CCDC91: variants seen among roughly 807,000 people sequenced by gnomAD.
CCDC91 encodes coiled-coil domain-containing protein 91.
A neutral mutation model predicts 63.2 loss-of-function variants in CCDC91; 48 were observed. The observed-to-expected ratio is 0.76, with a 90% confidence interval of 0.60 to 0.97. The LOEUF is 0.97. Ranked by LOEUF, CCDC91 falls within the 50% of genes least tolerant of loss-of-function variation. The probability of loss-of-function intolerance (pLI) is 0.00; values close to 1 mark genes in which losing one functional copy is unlikely to be tolerated. For synonymous variants in CCDC91, 167 were observed against 165.8 expected (o/e 1.01, Z -0.06); for missense variants, 500 against 494.6 (o/e 1.01, Z -0.10).
chr12:28,256,993 GCAAA>G, intron 1 of CCDC91: 1 of 447,920 alleles, frequency 2.2e-6, no homozygotes. Context: ...ACATAAAATG[GCAAA>G]ATACATGGTT....
In CCDC91 at chr12:28,330,832, A is replaced by T. The variant is rs537559985; in HGVS notation, c.576+23083A>T. Among the ~76,000 whole-genome samples, 3 of 152,304 alleles carry T rather than the reference A, an allele frequency of 2.0e-5. No homozygotes were observed. The East Asian group carries it at 5.8e-4, about 29-fold the overall frequency. ...TATTGCTGTTGTAGAGCTTATAACA[A>T]TCCAGTGGGTTATAGGTATTTAACT... is the stretch of plus-strand genomic sequence containing the variant. On this transcript the variant is annotated intron_variant, in intron 6 of 12. Coordinates refer to ENST00000536442, the MANE Select transcript of CCDC91 (RefSeq NM_018318.5).
intron 1 of CCDC91, among the ~76,000 whole-genome samples, chr12:28,215,745 A>T (rs1455322375): frequency 3.9e-5 from 6 of 152,148 alleles, no homozygotes; most frequent in Non-Finnish European, 8.8e-5. Flanking sequence ...GAAGCAGTGG[A>T]TGTACACTGT....
At chr12:28,337,255 TAAC>T (rs1237439305) in intron 6 of CCDC91, among the ~76,000 whole-genome samples, 3 of 152,166 alleles carry the variant, frequency 2.0e-5, no homozygotes, top group Non-Finnish European at 4.4e-5. Context: ...TTCCACCAAA[TAAC>T]AACATGTATT....
At chr12:28,524,707 C>T (rs530517525) in intron 12 of CCDC91, among the ~76,000 whole-genome samples, 3 of 151,964 alleles carry the variant, frequency 2.0e-5, no homozygotes, top group African/African-American at 7.2e-5. Flanking sequence ...TGGTATAAAG[C>T]TGTTGTGAAT....
chr12:28,425,138 T>G (rs1431500779), intron 8 of CCDC91, among the ~76,000 whole-genome samples: 1 of 152,138 alleles, frequency 6.6e-6, no homozygotes, highest in African/African-American at 2.4e-5. Context: ...CCAGACTTGG[T>G]GCACAGCCAA....
At chr12:28,425,044 T>G (rs1280316255) in intron 8 of CCDC91, among the ~76,000 whole-genome samples, 1 of 152,116 alleles carries the variant, frequency 6.6e-6, no homozygotes, top group Non-Finnish European at 1.5e-5. Context: ...TAAAAACCTA[T>G]TGTGATTTTT....
At chr12:28,336,130 A>G (rs569650269) in intron 6 of CCDC91, among the ~76,000 whole-genome samples, 2 of 152,164 alleles carry the variant, frequency 1.3e-5, no homozygotes, top group African/African-American at 2.4e-5. Context: ...TCTTAGTAAT[A>G]AATAGAAAAA....
chr12:28,411,157 C>A (rs1947293545), intron 8 of CCDC91, among the ~76,000 whole-genome samples: 1 of 152,044 alleles, frequency 6.6e-6, no homozygotes, highest in Non-Finnish European at 1.5e-5. Flanking sequence ...GTTACTTTTA[C>A]ACTGAGGATG....
At chr12:28,545,553 G>A (rs190918768) in intron 12 of CCDC91, among the ~76,000 whole-genome samples, 9 of 152,088 alleles carry the variant, frequency 5.9e-5, no homozygotes, top group East Asian at 3.9e-4. Context: ...GTATCGGTTC[G>A]CCTTGTTGCT....
chr12:28,482,067 C>T (rs1428516410), intron 11 of CCDC91, among the ~76,000 whole-genome samples: 2 of 151,878 alleles, frequency 1.3e-5, no homozygotes, highest in Non-Finnish European at 2.9e-5. Context: ...GTTAGCAAAA[C>T]CTGACTTGAA....
At chr12:28,199,399 T>C (rs1220344266) in intron 1 of CCDC91, among the ~76,000 whole-genome samples, 3 of 152,222 alleles carry the variant, frequency 2.0e-5, no homozygotes, top group Non-Finnish European at 2.9e-5. Context: ...CTTTCTACAT[T>C]AATACAGTAT....
At chr12:28,321,602 A>G (rs924392341) in intron 6 of CCDC91, among the ~76,000 whole-genome samples, 2 of 151,776 alleles carry the variant, frequency 1.3e-5, no homozygotes, top group Non-Finnish European at 2.9e-5. Context: ...TACACTTATA[A>G]TAATAATAGA....
At chr12:28,306,446 T>A (rs887159377) in intron 4 of CCDC91, among the ~76,000 whole-genome samples, 1 of 152,078 alleles carries the variant, frequency 6.6e-6, no homozygotes, top group Non-Finnish European at 1.5e-5. Context: ...GATATGTCTA[T>A]CCTTATTCAT....
At chr12:28,224,952 T>G (rs1249180722) in intron 1 of CCDC91, among the ~76,000 whole-genome samples, 3 of 152,180 alleles carry the variant, frequency 2.0e-5, no homozygotes, top group Non-Finnish European at 4.4e-5. Context: ...AGATCATCTC[T>G]CCTAACTTAC....
intron 11 of CCDC91, among the ~76,000 whole-genome samples, chr12:28,460,795 ATG>A (rs1054459426): frequency 1.1e-3 from 105 of 97,268 alleles, no homozygotes; most frequent in Non-Finnish European, 1.9e-3. Context: ...ATATATCTGT[ATG>A]TGTGTGTGTG....
At chr12:28,496,989 T>G (rs1336241789) in intron 12 of CCDC91, among the ~76,000 whole-genome samples, 3 of 148,628 alleles carry the variant, frequency 2.0e-5, no homozygotes, top group Non-Finnish European at 4.5e-5. Flanking sequence ...TTTTAGTGAT[T>G]AAACTTATCA....
At chr12:28,477,511 T>C (rs1951171859) in intron 11 of CCDC91, among the ~76,000 whole-genome samples, 1 of 152,140 alleles carries the variant, frequency 6.6e-6, no homozygotes, top group South Asian at 2.1e-4. Flanking sequence ...GCCAATATCA[T>C]ACGGAATGGG....
chr12:28,503,381 T>G (rs1247115524), intron 12 of CCDC91, among the ~76,000 whole-genome samples: 1 of 152,010 alleles, frequency 6.6e-6, no homozygotes, highest in African/African-American at 2.4e-5. Context: ...AAAACCACAA[T>G]GAGATACCAC....
chr12:28,455,376 G>T (rs1950010411), intron 11 of CCDC91, among the ~76,000 whole-genome samples: 1 of 152,084 alleles, frequency 6.6e-6, no homozygotes, highest in African/African-American at 2.4e-5. Context: ...TGCAAGACTA[G>T]AAGTATAATT....
Sources: gnomAD v4.1 joint callset for allele counts (sites outside exome capture counted in the v4.1 genomes callset) on GRCh38, gnomAD v4.1.1 for gene constraint, MANE v1.5 for transcripts, NCBI Gene and HGNC (gene_info 2026-07-23, HGNC 2026-07-21) for gene names.